Variants in MYO16 observed in about 807,000 individuals in gnomAD.
MYO16 encodes unconventional myosin-XVI.
In MYO16, 94 loss-of-function variants were observed where a neutral mutation model predicts 205.3. The ratio of observed to expected loss-of-function variants is 0.46; its 90% CI spans 0.39 to 0.54. The LOEUF is 0.54. Among genes scored for constraint, MYO16 ranks in the 20% least tolerant of loss-of-function variants. The probability of loss-of-function intolerance (pLI) is 0.00; values close to 1 mark genes in which losing one functional copy is unlikely to be tolerated. For missense variants in MYO16, 2,315 were observed against 2,387.5 expected, an observed-to-expected ratio of 0.97 and a Z score of 0.63; for synonymous variants, 988 against 954.0, an observed-to-expected ratio of 1.04 and a Z score of -0.66.
chr13:109,084,966 T>C (rs12430500), intron 27 of MYO16, among the ~76,000 whole-genome samples: 2,375 of 152,258 alleles, frequency 0.016, 34 homozygotes, highest in South Asian at 0.033. Context: ...ATAGGACATC[T>C]TGCAGTAGCT....
At chr13:108,635,252 C>A (rs1311326092) in intron 1 of MYO16, among the ~76,000 whole-genome samples, 1 of 152,134 alleles carries the variant, frequency 6.6e-6, no homozygotes, top group African/African-American at 2.4e-5. Flanking sequence ...CTCAGCCAAC[C>A]CGGAAACGTG....
At chr13:108,711,191 C>A (rs1453959336) in intron 2 of MYO16, among the ~76,000 whole-genome samples, 1 of 152,230 alleles carries the variant, frequency 6.6e-6, no homozygotes, top group Non-Finnish European at 1.5e-5. Context: ...GCCTCCTCAA[C>A]TTCTTGTAAC....
chr13:109,074,912 C>T (rs7336641), intron 27 of MYO16, among the ~76,000 whole-genome samples: 2,653 of 152,254 alleles, frequency 0.017, 71 homozygotes, highest in African/African-American at 0.061. Context: ...AGAGCCAAAC[C>T]ATGTCACCTC....
intron 16 of MYO16, among the ~76,000 whole-genome samples, chr13:108,934,522 A>C (rs1211812385): frequency 6.6e-6 from 1 of 152,052 alleles, no homozygotes; most frequent in Non-Finnish European, 1.5e-5. Flanking sequence ...TAGTTTGTAA[A>C]TATATTCTTC....
intron 32 of MYO16, among the ~76,000 whole-genome samples, chr13:109,147,095 C>A (rs1383477999): frequency 6.6e-6 from 1 of 151,840 alleles, no homozygotes; most frequent in Non-Finnish European, 1.5e-5. Flanking sequence ...CAAAATAATT[C>A]TTGGGCTAGC....
intron 32 of MYO16, among the ~76,000 whole-genome samples, chr13:109,144,797 G>A (rs373366320): frequency 6.6e-6 from 1 of 152,140 alleles, no homozygotes; most frequent in Non-Finnish European, 1.5e-5. Flanking sequence ...CAATGACATC[G>A]AGGAGATTAA....
At chr13:108,936,110 TTC>T (rs1269381749) in intron 16 of MYO16, among the ~76,000 whole-genome samples, 1 of 144,622 alleles carries the variant, frequency 6.9e-6, no homozygotes. Flanking sequence ...CCTTCCTTCC[TTC>T]CTTCCTTCCT....
At chr13:109,176,356 G>C (rs1013167828) in intron 33 of MYO16, among the ~76,000 whole-genome samples, 1 of 151,372 alleles carries the variant, frequency 6.6e-6, no homozygotes, top group African/African-American at 2.4e-5. Context: ...AATTAAAAAA[G>C]CCTCTTATTT....
intron 29 of MYO16, among the ~76,000 whole-genome samples, chr13:109,121,314 C>T (rs190334686): frequency 6.6e-6 from 1 of 152,128 alleles, no homozygotes; most frequent in Non-Finnish European, 1.5e-5. Context: ...AAGGAGGTGT[C>T]TTCTGATGAA....
In MYO16 at chr13:108,741,276, C is replaced by T. The variant is rs184306833; in HGVS notation, c.507+13693C>T. 2.0e-4 allele frequency among the ~76,000 whole-genome samples: 31 copies of T among 152,286 alleles called. No individual in the cohort carries two copies. The East Asian group carries it at 4.6e-3, about 23-fold the overall frequency. On this transcript the variant is annotated intron_variant, in intron 4 of 34. Coordinates refer to ENST00000457511, the MANE Select transcript of MYO16 (RefSeq NM_001198950.3). The stretch of plus-strand genomic sequence containing the variant: ...TGTTCCTATTTGGCCATCTTGGAAC[C>T]ACCCCCTATAATATTGCTTTTTTAA...
chr13:109,021,109 T>A (rs1261809591), intron 23 of MYO16, among the ~76,000 whole-genome samples: 2 of 152,116 alleles, frequency 1.3e-5, no homozygotes, highest in African/African-American at 4.8e-5. Flanking sequence ...AGGGGGGACA[T>A]TCTTGGAAAG....
intron 4 of MYO16, among the ~76,000 whole-genome samples, chr13:108,772,195 A>G (rs982493786): frequency 3.9e-5 from 6 of 151,992 alleles, no homozygotes; most frequent in Admixed American, 2.0e-4. Flanking sequence ...CAAAAAAAAT[A>G]TTACATAGAA....
At chr13:109,169,850 T>C (rs1262245878) in intron 33 of MYO16, among the ~76,000 whole-genome samples, 1 of 152,202 alleles carries the variant, frequency 6.6e-6, no homozygotes, top group African/African-American at 2.4e-5. Context: ...GAAAATAATA[T>C]TACTCCAGCT....
intron 27 of MYO16, among the ~76,000 whole-genome samples, chr13:109,091,184 G>A (rs1191338733): frequency 1.3e-5 from 2 of 152,192 alleles, no homozygotes; most frequent in Non-Finnish European, 2.9e-5. Flanking sequence ...TGCATGGCAG[G>A]TACAGACACC....
At chr13:108,996,043 A>G (rs1884990992) in intron 21 of MYO16, among the ~76,000 whole-genome samples, 1 of 152,196 alleles carries the variant, frequency 6.6e-6, no homozygotes, top group Non-Finnish European at 1.5e-5. Context: ...AGGGATCTTG[A>G]ACTAGAAATA....
At chr13:108,735,391 T>A (rs1217306266) in intron 4 of MYO16, among the ~76,000 whole-genome samples, 1 of 150,850 alleles carries the variant, frequency 6.6e-6, no homozygotes, top group Non-Finnish European at 1.5e-5. Context: ...GATAATTTGC[T>A]CAGAATGATC....
rs75354860 is a variant in MYO16, at chr13:108,761,563, A to C, written c.508-24072A>C. 1.7e-4 allele frequency among the ~76,000 whole-genome samples: 26 copies of C among 152,260 alleles called. 1 individual carries two copies. The East Asian group carries it at 5.0e-3, about 29-fold the overall frequency. On this transcript the variant is annotated intron_variant, in intron 4 of 34. Transcript: ENST00000457511. ...AGACTTTCAATCTGAGATTGGGAAAAATGATATGGAAGGTCACCAATAAAA... is the reference window on the plus strand; with the variant it reads ...AGACTTTCAATCTGAGATTGGGAAACATGATATGGAAGGTCACCAATAAAA...
chr13:108,537,185 A>C, the MYO16 span, among the ~76,000 whole-genome samples: 1 of 152,018 alleles, frequency 6.6e-6, no homozygotes, highest in African/African-American at 2.4e-5. Context: ...AGTATCTGTT[A>C]TTCCCATTTT....
At chr13:108,609,846 G>T (rs1171274979) in intron 1 of MYO16, among the ~76,000 whole-genome samples, 1 of 152,010 alleles carries the variant, frequency 6.6e-6, no homozygotes, top group African/African-American at 2.4e-5. Flanking sequence ...TTGAGTAAAA[G>T]CCTCATGGAA....
Sources: allele counts gnomAD v4.1 joint callset (sites outside exome capture counted in the v4.1 genomes callset), GRCh38; gene constraint gnomAD v4.1.1; transcripts MANE v1.5; gene names NCBI Gene and HGNC (gene_info 2026-07-23, HGNC 2026-07-21).